The following CRYBG1 variants were observed in gnomAD, a reference collection of about 807,000 sequenced individuals.
CRYBG1 encodes crystallin beta-gamma domain containing 1.
CRYBG1 carries 139 observed loss-of-function variants against 189.2 expected under a neutral mutation model. That is an observed-to-expected ratio of 0.73 (90% CI 0.64 to 0.85). The LOEUF (loss-of-function observed/expected upper bound fraction) is 0.85, where lower values mean the gene tolerates loss of function less well. CRYBG1 is among the 40% of genes least tolerant of loss of function. The pLI is 0.00. For synonymous variants in CRYBG1, 1,023 were observed against 1,017.1 expected, an observed-to-expected ratio of 1.01 and a Z score of -0.11; for missense variants, 2,611 against 2,675.8, an observed-to-expected ratio of 0.98 and a Z score of 0.53.
chr6:106,558,683 C>G, intron 18 of CRYBG1, 58 bp downstream of exon 18: 1 of 1,474,566 alleles, frequency 6.8e-7, no homozygotes, highest in Non-Finnish European at 9.2e-7. Flanking sequence ...CAAGTTTGGG[C>G]TGGGCACAGT....
intron 2 of CRYBG1, among the ~76,000 whole-genome samples, chr6:106,490,115 C>T (rs766952991): frequency 2.6e-5 from 4 of 152,232 alleles, no homozygotes; most frequent in Non-Finnish European, 4.4e-5. Flanking sequence ...ATTTCCCTCT[C>T]AGAATGTCTA....
At chr6:106,394,852 C>G (rs979888122) in intron 1 of CRYBG1, among the ~76,000 whole-genome samples, 5 of 131,346 alleles carry the variant, frequency 3.8e-5, no homozygotes, top group South Asian at 2.9e-4. Flanking sequence ...TAAATGCACA[C>G]AGCAGAATTT....
At chr6:106,543,150 C>T (rs1774174452) in intron 10 of CRYBG1, among the ~76,000 whole-genome samples, 1 of 151,468 alleles carries the variant, frequency 6.6e-6, no homozygotes, top group Non-Finnish European at 1.5e-5. Flanking sequence ...CTGCCTCAGC[C>T]TCCTGTGTAG....
chr6:106,555,763 T>G lies in CRYBG1; in HGVS notation c.5586-5T>G, dbSNP rs781379735. ...TGTGCATGTGTGTGGTTTTTCCCAT[T>G]GTAGCTGGGTTGTATATGATGGAGA... is the stretch of plus-strand genomic sequence containing the variant. On this transcript the variant is annotated splice_region_variant and splice_polypyrimidine_tract_variant and intron_variant, in intron 16 of 21. Transcript: ENST00000633556. The G allele has an allele frequency of 2.0e-5, 33 of 1,613,928 alleles. 1 individual carries two copies. In the South Asian group the frequency reaches 3.4e-4, roughly 17 times the overall value.
intron 1 of CRYBG1, among the ~76,000 whole-genome samples, chr6:106,361,985 T>TC (rs1562285558): frequency 1.5e-3 from 44 of 28,764 alleles, no homozygotes; most frequent in African/African-American, 3.4e-3. Flanking sequence ...TTTTTTTTTT[T>TC]TCTGAGACGG....
intron 1 of CRYBG1, among the ~76,000 whole-genome samples, chr6:106,383,544 TA>T (rs1298518589): frequency 6.6e-6 from 1 of 152,248 alleles, no homozygotes; most frequent in Non-Finnish European, 1.5e-5. Context: ...TGTAAATGTG[TA>T]AATGAAATTT....
intron 17 of CRYBG1, among the ~76,000 whole-genome samples, chr6:106,558,115 G>C (rs1774600571): frequency 6.6e-6 from 1 of 151,838 alleles, no homozygotes; most frequent in South Asian, 2.1e-4. Flanking sequence ...ACAGCCCTCT[G>C]ACCCTTGGCA....
intron 17 of CRYBG1, 77 bp from the exon 18 acceptor site, chr6:106,558,407 TTG>T: frequency 7.8e-7 from 1 of 1,282,114 alleles, no homozygotes; most frequent in Non-Finnish European, 1.1e-6. Flanking sequence ...TGCTTTGTCC[TTG>T]TAACAAGATG....
intron 1 of CRYBG1, among the ~76,000 whole-genome samples, chr6:106,366,639 A>C (rs1032542731): frequency 2.0e-5 from 3 of 152,196 alleles, no homozygotes; most frequent in Non-Finnish European, 2.9e-5. Context: ...ATTGGGATAG[A>C]TTTTTAACCT....
At chr6:106,428,630 CAGAG>C (rs1473166921) in intron 1 of CRYBG1, among the ~76,000 whole-genome samples, 2 of 152,102 alleles carry the variant, frequency 1.3e-5, no homozygotes, top group East Asian at 1.9e-4. Context: ...ATCTTAAAGT[CAGAG>C]AGAGAAAGTA....
At chr6:106,416,999 CTTTTTT>C (rs71663353) in intron 1 of CRYBG1, among the ~76,000 whole-genome samples, 7 of 69,504 alleles carry the variant, frequency 1.0e-4, no homozygotes, top group Non-Finnish European at 1.5e-4. Flanking sequence ...ATGGGATTTA[CTTTTTT>C]TTTTTTTTTT....
At chr6:106,449,329 A>C (rs937486204) in intron 1 of CRYBG1, 1 of 152,182 alleles carries the variant, frequency 6.6e-6, no homozygotes, top group Non-Finnish European at 1.5e-5. Flanking sequence ...TATTAAGGGG[A>C]GCAGACTGCC....
At chr6:106,463,008 G>T (rs377032993) in intron 2 of CRYBG1, among the ~76,000 whole-genome samples, 1 of 152,168 alleles carries the variant, frequency 6.6e-6, no homozygotes, top group Non-Finnish European at 1.5e-5. Context: ...TTTAAAATTA[G>T]CTAGGTAAGG....
At chr6:106,458,440 G>T (rs1324006214) in intron 2 of CRYBG1, among the ~76,000 whole-genome samples, 2 of 151,998 alleles carry the variant, frequency 1.3e-5, no homozygotes, top group African/African-American at 2.4e-5. Flanking sequence ...CCCCTGTGTT[G>T]CCACTTACCT....
chr6:106,526,085 G>A (rs182303774), intron 6 of CRYBG1, among the ~76,000 whole-genome samples: 3 of 152,222 alleles, frequency 2.0e-5, no homozygotes, highest in East Asian at 1.9e-4. Flanking sequence ...AAAAGAAATC[G>A]CTGATCTGGC....
chr6:106,499,787 G>A (rs899894980), intron 2 of CRYBG1, among the ~76,000 whole-genome samples: 1 of 152,072 alleles, frequency 6.6e-6, no homozygotes, highest in Admixed American at 6.5e-5. Context: ...GCTCCTAATT[G>A]AAACCATATA....
intron 2 of CRYBG1, among the ~76,000 whole-genome samples, chr6:106,464,092 G>T (rs1037145038): frequency 1.3e-5 from 2 of 152,218 alleles, no homozygotes; most frequent in Admixed American, 1.3e-4. Context: ...AGCTCTCAAT[G>T]TGACAAACAC....
At chr6:106,432,840 CTTT>C (rs5878888) in intron 1 of CRYBG1, among the ~76,000 whole-genome samples, 1 of 128,868 alleles carries the variant, frequency 7.8e-6, no homozygotes, top group Non-Finnish European at 1.6e-5. Flanking sequence ...TCTTTTCTTT[CTTT>C]TTTTTTTTTT....
rs113556912 is a variant in CRYBG1 at position 106,514,966 on chromosome 6, T to C, written c.1922+1927T>C. The stretch of plus-strand genomic sequence containing the variant: ...TGACCCATTTCTTTGTGACTGATGG[T>C]TTTTTCAGACCCTTTAATTCTTCCT... On this transcript the variant is annotated intron_variant, in intron 3 of 21. Coordinates refer to ENST00000633556, the MANE Select transcript of CRYBG1 (RefSeq NM_001371242.2). Among the ~76,000 whole-genome samples the C allele has an allele frequency of 5.1e-3, 775 of 152,324 alleles. 9 individuals carry two copies. The highest frequency in any genetic ancestry group is 0.018 in the African/African-American group (749 of 41,578).
Sources: allele counts gnomAD v4.1 joint callset (sites outside exome capture counted in the v4.1 genomes callset), GRCh38; gene constraint gnomAD v4.1.1; transcripts MANE v1.5; gene names NCBI Gene and HGNC (gene_info 2026-07-23, HGNC 2026-07-21).